Variants in TBL1XR1 observed in about 807,000 individuals in gnomAD.
The protein encoded by TBL1XR1 is F-box-like/WD repeat-containing protein TBL1XR1.
A neutral mutation model predicts 66.9 loss-of-function variants in TBL1XR1; 5 were observed. The observed-to-expected ratio is 0.07, with a 90% CI of 0.04 to 0.16. TBL1XR1 has a LOEUF of 0.16. TBL1XR1 is among the 10% of genes least tolerant of loss of function. The probability of loss-of-function intolerance (pLI) is 1.00; values close to 1 mark genes in which losing one functional copy is unlikely to be tolerated. For missense variants in TBL1XR1, 238 were observed against 623.2 expected, an observed-to-expected ratio of 0.38 and a Z score of 6.58; for synonymous variants, 210 against 206.0, an observed-to-expected ratio of 1.02 and a Z score of -0.17.
chr3:177,155,428 G>C (rs1731372319), intron 1 of TBL1XR1, among the ~76,000 whole-genome samples: 1 of 152,096 alleles, frequency 6.6e-6, no homozygotes, highest in Admixed American at 6.5e-5. Flanking sequence ...TCCTTTGAAA[G>C]ACATGAGTTA....
chr3:177,119,304 A>C lies in TBL1XR1; in HGVS notation c.-121-20763T>G, dbSNP rs945258282. Among the ~76,000 whole-genome samples the C allele has an allele frequency of 1.2e-4, 18 of 152,300 alleles. No homozygotes were observed. The East Asian group carries it at 3.1e-3, about 26-fold the overall frequency. On this transcript the variant is annotated intron_variant, in intron 1 of 15. Coordinates refer to ENST00000457928, the MANE Select transcript of TBL1XR1 (RefSeq NM_024665.7). ...CAGGTTTTAAAAGAAAAGAAACCACAGCAGTTCCACGGGTGAAGAATATTT... is the reference window on the plus strand; with the variant it reads ...CAGGTTTTAAAAGAAAAGAAACCACCGCAGTTCCACGGGTGAAGAATATTT...
At chr3:177,195,130 A>G (rs1449397971) in intron 1 of TBL1XR1, among the ~76,000 whole-genome samples, 1 of 152,128 alleles carries the variant, frequency 6.6e-6, no homozygotes, top group Non-Finnish European at 1.5e-5. Flanking sequence ...AAACGTCAAA[A>G]AAAATAGTAG....
intron 1 of TBL1XR1, among the ~76,000 whole-genome samples, chr3:177,124,218 C>T (rs780059801): frequency 1.3e-5 from 2 of 152,044 alleles, no homozygotes; most frequent in African/African-American, 2.4e-5. Flanking sequence ...ACTTTCCTTC[C>T]AATAACTTGA....
intron 2 of TBL1XR1, chr3:177,079,744 G>C (rs529133896): frequency 6.6e-6 from 1 of 150,638 alleles, no homozygotes; most frequent in African/African-American, 2.4e-5. Flanking sequence ...GAAAATAAGA[G>C]TTAGACAAGA....
intron 1 of TBL1XR1, among the ~76,000 whole-genome samples, chr3:177,158,470 G>T (rs556088416): frequency 6.6e-6 from 1 of 151,996 alleles, no homozygotes; most frequent in South Asian, 2.1e-4. Context: ...CTCATGATCC[G>T]CCCGCCTCGG....
At chr3:177,195,280 G>A (rs907442249) in intron 1 of TBL1XR1, among the ~76,000 whole-genome samples, 2 of 151,828 alleles carry the variant, frequency 1.3e-5, no homozygotes, top group Non-Finnish European at 2.9e-5. Flanking sequence ...ACTGCTCTCA[G>A]GCATACTTTC....
At chr3:177,175,914 G>A (rs968303213) in intron 1 of TBL1XR1, among the ~76,000 whole-genome samples, 42 of 151,660 alleles carry the variant, frequency 2.8e-4, no homozygotes, top group Non-Finnish European at 4.4e-4. Context: ...AAAATTAGCC[G>A]GGCGTGGTGG....
At position 177,052,158 on chromosome 3, in the gene TBL1XR1, T is replaced by G. The variant is rs574117444; in HGVS notation, c.205-432A>C. Among the ~76,000 whole-genome samples, 15 of 152,326 alleles carry G rather than the reference T, an allele frequency of 9.8e-5. No homozygotes were observed. In the East Asian group the frequency reaches 2.7e-3, roughly 27 times the overall value. On this transcript the variant is annotated intron_variant, in intron 4 of 15. Transcript: ENST00000457928. ...AACTAAAAACTTTGAGCTGAAGAGT[T>G]TCTTGTGATTTGATTCAAATATTAA...
At chr3:177,125,899 C>T (rs1287708403) in intron 1 of TBL1XR1, 2 of 152,110 alleles carry the variant, frequency 1.3e-5, no homozygotes, top group African/African-American at 4.8e-5. Flanking sequence ...CATTATTAGC[C>T]AATACAGTTG....
chr3:177,095,944 T>G (rs1028696091), intron 2 of TBL1XR1, among the ~76,000 whole-genome samples: 1 of 152,224 alleles, frequency 6.6e-6, no homozygotes, highest in Admixed American at 6.5e-5. Flanking sequence ...CCTAACTTGA[T>G]CATTTTATAT....
intron 1 of TBL1XR1, among the ~76,000 whole-genome samples, chr3:177,150,510 T>C (rs944486421): frequency 9.2e-5 from 14 of 152,232 alleles, no homozygotes; most frequent in Non-Finnish European, 5.9e-5. Context: ...TTTCCTCCTC[T>C]TTCAGCAACT....
chr3:177,053,709 G>A, intron 4 of TBL1XR1, 64 bp downstream of exon 4: 1 of 1,471,752 alleles, frequency 6.8e-7, no homozygotes. Context: ...AAGCAAGCAA[G>A]ACAGCTGACT....
At chr3:177,080,162 A>G (rs1046883952) in intron 2 of TBL1XR1, among the ~76,000 whole-genome samples, 20 of 152,250 alleles carry the variant, frequency 1.3e-4, no homozygotes, top group Non-Finnish European at 1.0e-4. Flanking sequence ...GGACATACAC[A>G]AAATTTTAAA....
rs548783302 is a variant in TBL1XR1 at position 177,190,133 on chromosome 3, C to CAAAA, written c.-122+6984_-122+6987dup. On this transcript the variant is annotated intron_variant, in intron 1 of 15. Coordinates refer to ENST00000457928, the MANE Select transcript of TBL1XR1 (RefSeq NM_024665.7). ...GGGCAACAAGAGTGAAACTCCATCT[C>CAAAA]AAAAAAAAAAAAAAAAAAAAAAAAA... Among the ~76,000 whole-genome samples the CAAAA allele has an allele frequency of 5.2e-4, 36 of 69,404 alleles. No homozygotes were observed. The East Asian group carries it at 7.6e-3, about 15-fold the overall frequency. The allele number at this position is 69,404 out of a possible 152,430, so 45.5% of individuals were successfully genotyped here.
chr3:177,112,084 TATATATATATATATATATATA>T (rs1426439747), intron 1 of TBL1XR1, among the ~76,000 whole-genome samples: 3 of 41,610 alleles, frequency 7.2e-5, no homozygotes, highest in African/African-American at 4.4e-4. Flanking sequence ...AATATATATA[TATATATATATATATATATATA>T]TATTTTTTTT....
At chr3:177,195,398 T>C (rs1736700608) in intron 1 of TBL1XR1, among the ~76,000 whole-genome samples, 1 of 141,326 alleles carries the variant, frequency 7.1e-6, no homozygotes, top group African/African-American at 2.5e-5. Context: ...CACACCATGT[T>C]TTCGGGGAGA....
At chr3:177,051,196 T>C (rs1717031226) in intron 5 of TBL1XR1, among the ~76,000 whole-genome samples, 1 of 152,152 alleles carries the variant, frequency 6.6e-6, no homozygotes, top group African/African-American at 2.4e-5. Flanking sequence ...GGAAACAAGT[T>C]GGTGCAAGTT....
intron 1 of TBL1XR1, among the ~76,000 whole-genome samples, chr3:177,124,014 A>G (rs569964284): frequency 3.3e-5 from 5 of 152,198 alleles, no homozygotes; most frequent in Non-Finnish European, 7.4e-5. Context: ...TCTCATCTCA[A>G]CAGTCACTGT....
intron 1 of TBL1XR1, among the ~76,000 whole-genome samples, chr3:177,138,345 G>A (rs985587538): frequency 2.0e-5 from 3 of 152,162 alleles, no homozygotes; most frequent in African/African-American, 7.2e-5. Flanking sequence ...CTGCAATTTC[G>A]GCATTTTGAG....
Sources: allele counts gnomAD v4.1 joint callset (sites outside exome capture counted in the v4.1 genomes callset), GRCh38; gene constraint gnomAD v4.1.1; transcripts MANE v1.5; gene names NCBI Gene and HGNC (gene_info 2026-07-23, HGNC 2026-07-21).